The following PCLO variants were observed in gnomAD, a reference collection of about 807,000 sequenced individuals.
PCLO encodes the protein piccolo presynaptic cytomatrix protein, also known as protein piccolo.
A neutral mutation model predicts 427.5 loss-of-function variants in PCLO; 82 were observed. That is an observed-to-expected ratio of 0.19 (90% CI 0.16 to 0.23). The LOEUF (loss-of-function observed/expected upper bound fraction) is 0.23, where lower values mean the gene tolerates loss of function less well. Ranked by LOEUF, PCLO falls within the 10% of genes least tolerant of loss-of-function variation. The pLI is 1.00. For synonymous variants in PCLO, 2,357 were observed against 2,155.4 expected, an observed-to-expected ratio of 1.09 and a Z score of -2.59; for missense variants, 6,239 against 6,115.9, an observed-to-expected ratio of 1.02 and a Z score of -0.67.
intron 6 of PCLO, among the ~76,000 whole-genome samples, chr7:82,939,606 T>A (rs2116374520): frequency 6.6e-6 from 1 of 150,760 alleles, no homozygotes. Context: ...AATATATTTC[T>A]TTTTCCCACT....
intron 22 of PCLO, among the ~76,000 whole-genome samples, chr7:82,775,731 G>A (rs186503159): frequency 2.6e-5 from 4 of 152,162 alleles, no homozygotes; most frequent in Admixed American, 6.5e-5. Context: ...AATGAAGTCC[G>A]ATTATTGAAT....
chr7:82,851,808 C>T (rs985711304), intron 10 of PCLO, among the ~76,000 whole-genome samples: 6 of 152,148 alleles, frequency 3.9e-5, no homozygotes, highest in South Asian at 2.1e-4. Flanking sequence ...TCTCCCCTGG[C>T]GGACTCAACA....
chr7:82,769,443 T>C (rs1291632335), intron 22 of PCLO, among the ~76,000 whole-genome samples: 2 of 152,154 alleles, frequency 1.3e-5, no homozygotes, highest in African/African-American at 4.8e-5. Flanking sequence ...AGATATTTCT[T>C]TTTTATTACA....
chr7:82,933,790 T>G (rs1584176713), intron 6 of PCLO, among the ~76,000 whole-genome samples: 1 of 152,024 alleles, frequency 6.6e-6, no homozygotes, highest in Non-Finnish European at 1.5e-5. Context: ...TCCTTTGATC[T>G]TTCTATGATT....
intron 22 of PCLO, among the ~76,000 whole-genome samples, chr7:82,768,257 T>A (rs1226941983): frequency 1.3e-5 from 2 of 152,006 alleles, no homozygotes; most frequent in African/African-American, 2.4e-5. Context: ...AACCCGTCTT[T>A]ACTAAAAATA....
chr7:82,861,555 G>T (rs1792956815), intron 10 of PCLO, among the ~76,000 whole-genome samples: 1 of 151,908 alleles, frequency 6.6e-6, no homozygotes, highest in African/African-American at 2.4e-5. Flanking sequence ...AATAGCTGGA[G>T]ACTTCAAAAC....
At chr7:82,886,708 T>C (rs940810854) in intron 9 of PCLO, among the ~76,000 whole-genome samples, 11 of 152,162 alleles carry the variant, frequency 7.2e-5, no homozygotes, top group Non-Finnish European at 1.0e-4. Context: ...GAAGAGTTAT[T>C]TAGTACAGTT....
At position 82,756,595 on chromosome 7, in the gene PCLO, A is replaced by T. The variant is rs1326362824; in HGVS notation, c.*1980T>A. ...GAAATTCTCTTATTTTTAGTGCTTT[A>T]CAGTCCTCTCAAATTTAGAGCATTT... On this transcript the variant is annotated 3_prime_UTR_variant, in exon 25 of 25. Coordinates refer to ENST00000333891, the MANE Select transcript of PCLO (RefSeq NM_033026.6). 6.6e-6 allele frequency: 1 copy of T among 151,980 alleles called. No individual in the cohort carries two copies. Among genetic ancestry groups the T allele is most frequent in the African/African-American group, 2.4e-5 (1 of 41,396 alleles). 9.4% of individuals were successfully genotyped at this position (151,980 alleles called of 1,614,324 possible).
chr7:82,850,012 A>G (rs76996231), intron 10 of PCLO, among the ~76,000 whole-genome samples: 260 of 63,248 alleles, frequency 4.1e-3, no homozygotes, highest in African/African-American at 8.6e-3. Flanking sequence ...TATTATTATT[A>G]TTTATTTATT....
chr7:83,082,547 T>C (rs1236323732), intron 3 of PCLO, among the ~76,000 whole-genome samples: 1 of 151,522 alleles, frequency 6.6e-6, no homozygotes, highest in African/African-American at 2.4e-5. Flanking sequence ...GGGTAGAAAA[T>C]AGAGTTAGAA....
chr7:82,885,302 G>A (rs186010650), intron 9 of PCLO, among the ~76,000 whole-genome samples: 254 of 152,244 alleles, frequency 1.7e-3, no homozygotes, highest in African/African-American at 5.8e-3. Flanking sequence ...GATAGCAAGA[G>A]TATGGGGAAT....
intron 14 of PCLO, among the ~76,000 whole-genome samples, chr7:82,841,112 C>T (rs1047371903): frequency 6.6e-6 from 1 of 151,796 alleles, no homozygotes; most frequent in Non-Finnish European, 1.5e-5. Flanking sequence ...AAGAAAAAAT[C>T]CCAGTAGACT....
chr7:82,876,572 A>G (rs1250539303), intron 10 of PCLO, among the ~76,000 whole-genome samples: 1 of 152,012 alleles, frequency 6.6e-6, no homozygotes, highest in Non-Finnish European at 1.5e-5. Context: ...GTAAACTTCT[A>G]GCTAGTTAAT....
At chr7:82,958,235 T>C (rs1165074872) in intron 4 of PCLO, among the ~76,000 whole-genome samples, 3 of 152,132 alleles carry the variant, frequency 2.0e-5, no homozygotes, top group East Asian at 3.9e-4. Flanking sequence ...GATCTAACTA[T>C]GGCCCAAGTA....
At chr7:82,911,110 A>C (rs971809073) in intron 7 of PCLO, among the ~76,000 whole-genome samples, 2 of 152,142 alleles carry the variant, frequency 1.3e-5, no homozygotes, top group African/African-American at 2.4e-5. Context: ...AATAAAGTAG[A>C]AGTTCAACCT....
intron 3 of PCLO, among the ~76,000 whole-genome samples, chr7:83,005,487 A>T (rs1434221900): frequency 2.0e-5 from 3 of 151,594 alleles, no homozygotes; most frequent in African/African-American, 7.3e-5. Context: ...AGTTTTGGAG[A>T]TCTAAAGTAC....
chr7:83,145,987 A>C (rs372598462), intron 2 of PCLO, among the ~76,000 whole-genome samples: 1 of 152,120 alleles, frequency 6.6e-6, no homozygotes, highest in Non-Finnish European at 1.5e-5. Context: ...TATAATATGA[A>C]CTCTGATTTT....
chr7:83,062,522 ATTAC>A (rs1789565992), intron 3 of PCLO, among the ~76,000 whole-genome samples: 1 of 152,138 alleles, frequency 6.6e-6, no homozygotes, highest in South Asian at 2.1e-4. Context: ...ATCTAAGTAG[ATTAC>A]TTAAATAAAA....
At chr7:82,851,714 A>C (rs1792660148) in intron 10 of PCLO, among the ~76,000 whole-genome samples, 1 of 152,128 alleles carries the variant, frequency 6.6e-6, no homozygotes. Flanking sequence ...ACTATAGGTT[A>C]ATTTTCCAAA....
Sources: gnomAD v4.1 joint callset for allele counts (sites outside exome capture counted in the v4.1 genomes callset) on GRCh38, gnomAD v4.1.1 for gene constraint, MANE v1.5 for transcripts, NCBI Gene and HGNC (gene_info 2026-07-23, HGNC 2026-07-21) for gene names.